Variants in FGD6 observed in about 807,000 individuals in gnomAD.
FGD6 encodes the protein FYVE, RhoGEF and PH domain-containing protein 6.
In FGD6, 90 loss-of-function variants were observed where a neutral mutation model predicts 149.4. That is an observed-to-expected ratio of 0.60 (90% confidence interval 0.51 to 0.72). The LOEUF is 0.72. Ranked by LOEUF, FGD6 falls within the 30% of genes least tolerant of loss-of-function variation. FGD6 has a pLI of 0.00. For missense variants in FGD6, 1,437 were observed against 1,684.8 expected (o/e 0.85, Z 2.57); for synonymous variants, 527 against 584.0 (o/e 0.90, Z 1.41).
At chr12:95,102,053 T>C (rs1261004217) in intron 14 of FGD6, among the ~76,000 whole-genome samples, 1 of 106,660 alleles carries the variant, frequency 9.4e-6, no homozygotes, top group African/African-American at 3.8e-5. Flanking sequence ...CAATCCTGCC[T>C]GTAGCACTTT....
chr12:95,209,697 T>C lies in FGD6; in HGVS notation c.1587A>G (p.Glu529=), dbSNP rs184817504. The C allele has an allele frequency of 5.0e-6, 8 of 1,614,034 alleles. No homozygotes were observed. In the Admixed American group the frequency reaches 6.7e-5, roughly 13 times the overall value. ...TTTCTAGACTCTTCTCTGAACTTTTTTCTTCACTTGAAGGATAAGAACTTT... is the reference window on the plus strand; with the variant it reads ...TTTCTAGACTCTTCTCTGAACTTTTCTCTTCACTTGAAGGATAAGAACTTT... The part of the protein sequence containing the change: ...LEKSSYPSSE[E]KSSEKSLERN... The change falls in exon 2 of 21, where the codon GAA becomes GAG. Residue 529 remains glutamate, a synonymous_variant. Transcript: ENST00000343958.
At chr12:95,186,435 T>C (rs959419267) in intron 2 of FGD6, among the ~76,000 whole-genome samples, 107 of 149,494 alleles carry the variant, frequency 7.2e-4, no homozygotes, top group African/African-American at 2.5e-3. Flanking sequence ...TGACCTTAAG[T>C]GATCCTCCTG....
chr12:95,113,619 T>C (rs1336381744), intron 9 of FGD6, 32 bp downstream of exon 9: 1 of 1,521,066 alleles, frequency 6.6e-7, no homozygotes, highest in Non-Finnish European at 9.0e-7. Context: ...AAACATAATA[T>C]AAAAACTTCT....
At chr12:95,084,410 C>T (rs1404599042) in intron 20 of FGD6, 88 bp downstream of exon 20, 4 of 1,106,778 alleles carry the variant, frequency 3.6e-6, no homozygotes, top group East Asian at 5.5e-5. Flanking sequence ...TTGAGTTGTC[C>T]CCATGCCTTA....
intron 3 of FGD6, among the ~76,000 whole-genome samples, chr12:95,169,595 G>T (rs942320672): frequency 6.6e-6 from 1 of 152,162 alleles, no homozygotes; most frequent in Admixed American, 6.6e-5. Flanking sequence ...ACATAACACT[G>T]CTGGGTTAAA....
chr12:95,110,995 T>C (rs1016009450), intron 9 of FGD6, among the ~76,000 whole-genome samples: 42 of 152,188 alleles, frequency 2.8e-4, no homozygotes, highest in African/African-American at 9.9e-4. Context: ...CCACTCTTTT[T>C]TTCCTGAGAC....
Position 95,209,193 on chromosome 12 carries a change from G to A in FGD6, c.2091C>T (p.Ser697=). ...TCTTCCTCTTCTTTTGAGATTCCAGGCTATAGTTTTCTGTGGAATATGCCT... is the reference window on the plus strand; with the variant it reads ...TCTTCCTCTTCTTTTGAGATTCCAGACTATAGTTTTCTGTGGAATATGCCT... The part of the protein sequence containing the change: ...PIKAYSTENY[S]LESQKKRKKS... The change falls in exon 2 of 21, where the codon AGC becomes AGT. Residue 697 remains serine, a synonymous_variant. Transcript: ENST00000343958. 6.2e-7 allele frequency: 1 copy of A among 1,614,026 alleles called. No individual in the cohort carries two copies.
At position 95,126,097 on chromosome 12, in the gene FGD6, T is replaced by C. The variant is rs891263200; in HGVS notation, c.3082+8642A>G. On this transcript the variant is annotated intron_variant, in intron 8 of 20. Coordinates refer to ENST00000343958, the MANE Select transcript of FGD6 (RefSeq NM_018351.4). ...ACAGATTCTGATCATTTTAAAGTTA[T>C]GAAGGCAAAGAAAATGAGGGACAGA... 5 of 1,114,886 alleles carry C rather than the reference T, an allele frequency of 4.5e-6. No homozygotes were observed. The African/African-American group carries it at 6.1e-5, about 14-fold the overall frequency. The allele number at this position is 1,114,886 out of a possible 1,614,324, so 69.1% of individuals were successfully genotyped here. A position where few individuals can be genotyped will look rare whatever the true frequency, so the allele number is the denominator to read the frequency against.
intron 2 of FGD6, among the ~76,000 whole-genome samples, chr12:95,199,577 A>G (rs539662359): frequency 6.7e-6 from 1 of 150,238 alleles, no homozygotes; most frequent in East Asian, 2.0e-4. Flanking sequence ...TTTTTAGTGG[A>G]GCTATGGAAA....
At chr12:95,089,428 C>T (rs952342469) in intron 18 of FGD6, 141 bp downstream of exon 18, 1 of 1,077,356 alleles carries the variant, frequency 9.3e-7, no homozygotes, top group Non-Finnish European at 1.3e-6. Context: ...GAGGCATCAG[C>T]CACATCCATC....
intron 2 of FGD6, among the ~76,000 whole-genome samples, chr12:95,183,814 G>A (rs752434271): frequency 6.6e-6 from 1 of 152,168 alleles, no homozygotes; most frequent in Non-Finnish European, 1.5e-5. Context: ...CTCAGGCTGG[G>A]TGACAGAGCA....
chr12:95,088,799 ACT>A (rs1185232537), intron 18 of FGD6, among the ~76,000 whole-genome samples: 2 of 152,206 alleles, frequency 1.3e-5, no homozygotes, highest in Admixed American at 6.5e-5. Flanking sequence ...CCTCTAAAAC[ACT>A]GTGTTTCAAC....
At chr12:95,192,987 ACAACTAC>A (rs5800191) in intron 2 of FGD6, among the ~76,000 whole-genome samples, 152,207 of 152,210 alleles carry the variant, frequency 1, 76,102 homozygotes, top group Non-Finnish European at 1. Flanking sequence ...AAAAACAGTG[ACAACTAC>A]CAACTACCAA....
rs184330612 is a variant in FGD6 at position 95,109,979 on chromosome 12, G to C, written c.3134-1418C>G. On this transcript the variant is annotated intron_variant, in intron 9 of 20. Coordinates refer to ENST00000343958, the MANE Select transcript of FGD6 (RefSeq NM_018351.4). ...GACTGTCTTCCTGGTACCAGCCGTG[G>C]AGGCTTCTGTATTCTTTTTTTTTTT... Among the ~76,000 whole-genome samples, 235 of 134,140 alleles carry C rather than the reference G, an allele frequency of 1.8e-3. 1 individual carries two copies. Among genetic ancestry groups the C allele is most frequent in the Admixed American group, 4.5e-3 (56 of 12,416 alleles). 88.0% of individuals were successfully genotyped at this position (134,140 alleles called of 152,430 possible). A position where few individuals can be genotyped will look rare whatever the true frequency, so the allele number is the denominator to read the frequency against.
At chr12:95,187,286 G>A (rs539149718) in intron 2 of FGD6, among the ~76,000 whole-genome samples, 2 of 149,490 alleles carry the variant, frequency 1.3e-5, no homozygotes, top group East Asian at 2.0e-4. Flanking sequence ...AGCCGAGATC[G>A]TGCCACTGCA....
At chr12:95,205,374 A>C (rs1450621651) in intron 2 of FGD6, among the ~76,000 whole-genome samples, 1 of 152,232 alleles carries the variant, frequency 6.6e-6, no homozygotes, top group Non-Finnish European at 1.5e-5. Flanking sequence ...CTGTTTACTA[A>C]CCAGAATTTG....
intron 5 of FGD6, among the ~76,000 whole-genome samples, chr12:95,149,993 TACACACACACACACACACACACACAC>T (rs10652699): frequency 7.6e-6 from 1 of 132,000 alleles, no homozygotes; most frequent in African/African-American, 2.9e-5. Context: ...TGCTATATAT[TACACACACACACACACACACACACAC>T]ACACACACAC....
At chr12:95,174,682 A>T (rs544304888) in intron 2 of FGD6, among the ~76,000 whole-genome samples, 1 of 152,224 alleles carries the variant, frequency 6.6e-6, no homozygotes, top group Admixed American at 6.5e-5. Flanking sequence ...TAATCCCAGC[A>T]CTTTGGGAAG....
chr12:95,201,852 T>C (rs1161440076), intron 2 of FGD6, among the ~76,000 whole-genome samples: 1 of 152,074 alleles, frequency 6.6e-6, no homozygotes. Flanking sequence ...AACACAGCAA[T>C]GGAAAACTAG....
Sources: gnomAD v4.1 joint callset for allele counts (sites outside exome capture counted in the v4.1 genomes callset) on GRCh38, gnomAD v4.1.1 for gene constraint, MANE v1.5 for transcripts, NCBI Gene and HGNC (gene_info 2026-07-23, HGNC 2026-07-21) for gene names.